Variants in ANKS1A observed in about 807,000 individuals in gnomAD.
ANKS1A encodes the protein ankyrin repeat and SAM domain-containing protein 1A.
ANKS1A carries 55 observed loss-of-function variants against 120.3 expected under a neutral mutation model. The ratio of observed to expected loss-of-function variants is 0.46; its 90% CI spans 0.37 to 0.57. ANKS1A has a LOEUF of 0.57. Ranked by LOEUF, ANKS1A falls within the 20% of genes least tolerant of loss-of-function variation. The probability of loss-of-function intolerance (pLI) is 0.00; values close to 1 mark genes in which losing one functional copy is unlikely to be tolerated. For missense variants in ANKS1A, 1,123 were observed against 1,480.3 expected (o/e 0.76, Z 3.96); for synonymous variants, 590 against 604.7 (o/e 0.98, Z 0.36).
chr6:34,931,890 A>G (rs765847182), intron 1 of ANKS1A, among the ~76,000 whole-genome samples: 1 of 152,264 alleles, frequency 6.6e-6, no homozygotes, highest in African/African-American at 2.4e-5. Context: ...CAGTAGATTA[A>G]TAAACGTGTG....
intron 11 of ANKS1A, among the ~76,000 whole-genome samples, chr6:35,043,035 AT>A (rs1273094973): frequency 6.6e-6 from 1 of 152,046 alleles, no homozygotes. Context: ...GACTTGGAGG[AT>A]TCCCCCTGCT....
chr6:35,087,965 A>T (rs1412992253), intron 23 of ANKS1A, among the ~76,000 whole-genome samples: 1 of 152,200 alleles, frequency 6.6e-6, no homozygotes, highest in Non-Finnish European at 1.5e-5. Context: ...CTTCCGTAGA[A>T]CCAACGAGGA....
At chr6:35,014,803 G>A (rs1018420622) in intron 10 of ANKS1A, among the ~76,000 whole-genome samples, 8 of 152,190 alleles carry the variant, frequency 5.3e-5, no homozygotes, top group Non-Finnish European at 8.8e-5. Flanking sequence ...TGTACCTTGG[G>A]CCAGGATCTG....
intron 1 of ANKS1A, among the ~76,000 whole-genome samples, chr6:34,961,774 G>C (rs569248336): frequency 2.8e-4 from 42 of 152,298 alleles, no homozygotes; most frequent in African/African-American, 9.9e-4. Context: ...ACTCTCAGCC[G>C]CTTTAACCAG....
chr6:34,991,539 TATACACAC>T lies in ANKS1A; in HGVS notation c.1302+2225_1302+2232del, dbSNP rs1253431042. ...CCACATAGCCGGGAAAAAAAAAATA[TATACACAC>T]ACACACACACACACACACACACACA... is the stretch of plus-strand genomic sequence containing the variant. On this transcript the variant is annotated intron_variant, in intron 9 of 23. Coordinates refer to ENST00000360359, the MANE Select transcript of ANKS1A (RefSeq NM_015245.3). 4.7e-5 allele frequency among the ~76,000 whole-genome samples: 4 copies of T among 85,082 alleles called. 1 individual carries two copies. Among genetic ancestry groups the T allele is most frequent in the African/African-American group, 1.9e-4 (4 of 20,532 alleles). 55.8% of individuals were successfully genotyped at this position (85,082 alleles called of 152,430 possible).
In ANKS1A at chr6:35,091,085, C is replaced by T; in HGVS notation, c.*2476C>T. Reference sequence around the variant, plus strand: ...AGATGCCCAGGCCAGCAGAAAGCAGCTCAGAAGTATTGTTGCTCATGGTGT... The same window carrying T: ...AGATGCCCAGGCCAGCAGAAAGCAGTTCAGAAGTATTGTTGCTCATGGTGT... On this transcript the variant is annotated 3_prime_UTR_variant, in exon 24 of 24. Coordinates refer to ENST00000360359, the MANE Select transcript of ANKS1A (RefSeq NM_015245.3). The T allele has an allele frequency of 2.0e-6, 2 of 985,920 alleles. No homozygotes were observed. Among genetic ancestry groups the T allele is most frequent in the South Asian group, 9.4e-5 (2 of 21,294 alleles). 61.1% of individuals were successfully genotyped at this position (985,920 alleles called of 1,614,324 possible).
chr6:35,086,280 C>T lies in ANKS1A; in HGVS notation c.3303+344C>T, dbSNP rs1326107227. ...TGCTCTGCACCCCAGGTGCCGCTGCCCCCCGATAGTCGCTGTTGTTACTGT... is the reference window on the plus strand; with the variant it reads ...TGCTCTGCACCCCAGGTGCCGCTGCTCCCCGATAGTCGCTGTTGTTACTGT... On this transcript the variant is annotated intron_variant, in intron 22 of 23. Coordinates refer to ENST00000360359, the MANE Select transcript of ANKS1A (RefSeq NM_015245.3). The surrounding 1 kb of genome is among the most constrained non-coding windows in gnomAD (Gnocchi z 5.1). 7.5e-7 allele frequency: 1 copy of T among 1,328,936 alleles called. No individual in the cohort carries two copies. The allele number at this position is 1,328,936 out of a possible 1,614,324, so 82.3% of individuals were successfully genotyped here.
At position 34,895,780 on chromosome 6, in the gene ANKS1A, C is replaced by CTTTTTTTTTTTTTTT. The variant is rs995285475; in HGVS notation, c.197+6192_197+6206dup. 7.7e-5 allele frequency among the ~76,000 whole-genome samples: 7 copies of CTTTTTTTTTTTTTTT among 90,410 alleles called. 1 individual carries two copies. The highest frequency in any genetic ancestry group is 1.8e-4 in the African/African-American group (4 of 21,914). 59.3% of individuals were successfully genotyped at this position (90,410 alleles called of 152,430 possible). On this transcript the variant is annotated intron_variant, in intron 1 of 23. Transcript: ENST00000360359. ...AAAATAGTTTTTCAAGAATGTCTTT[C>CTTTTTTTTTTTTTTT]TTTTTTTTTTTTTTTTTTTTTTTTT...
chr6:34,966,689 T>A (rs975829148), intron 1 of ANKS1A, among the ~76,000 whole-genome samples: 36 of 152,206 alleles, frequency 2.4e-4, no homozygotes, highest in African/African-American at 8.4e-4. Flanking sequence ...CCTATGGTAT[T>A]TTTAAGTCAG....
At chr6:34,983,029 G>A in intron 5 of ANKS1A, 84 bp from the exon 6 acceptor site, 2 of 1,390,452 alleles carry the variant, frequency 1.4e-6, no homozygotes, top group Non-Finnish European at 2.0e-6. Context: ...GCTGCTGACA[G>A]CCTTAAATGT....
intron 16 of ANKS1A, among the ~76,000 whole-genome samples, chr6:35,080,615 A>G (rs893546697): frequency 6.6e-6 from 1 of 152,212 alleles, no homozygotes; most frequent in African/African-American, 2.4e-5. Context: ...CACACAACTG[A>G]CATTCAGATA....
At chr6:34,991,539 TATACACACACAC>T (rs1450700226) in intron 9 of ANKS1A, among the ~76,000 whole-genome samples, 3 of 85,112 alleles carry the variant, frequency 3.5e-5, no homozygotes, top group East Asian at 3.9e-4. Context: ...AAAAAAAATA[TATACACACACAC>T]ACACACACAC....
Position 35,084,406 on chromosome 6 carries a change from T to A in ANKS1A, c.3132+148T>A. On this transcript the variant is annotated intron_variant, in intron 21 of 23. Coordinates refer to ENST00000360359, the MANE Select transcript of ANKS1A (RefSeq NM_015245.3). The surrounding 1 kb of genome is among the most constrained non-coding windows in gnomAD (Gnocchi z 4.8). ...GTTCATGAATGGAGCCCAGCAGCAC[T>A]CAGGCCGGTCCCCTTTCACAGTGAT... The A allele has an allele frequency of 8.6e-7, 1 of 1,163,776 alleles. No individual in the cohort carries two copies. Among genetic ancestry groups the A allele is most frequent in the Non-Finnish European group, 1.2e-6 (1 of 852,044 alleles). The allele number at this position is 1,163,776 out of a possible 1,614,324, so 72.1% of individuals were successfully genotyped here. A position where few individuals can be genotyped will look rare whatever the true frequency, so the allele number is the denominator to read the frequency against.
At chr6:34,977,886 G>A (rs1303884877) in intron 3 of ANKS1A, among the ~76,000 whole-genome samples, 1 of 152,136 alleles carries the variant, frequency 6.6e-6, no homozygotes, top group Non-Finnish European at 1.5e-5. Context: ...GTGCAGTTGG[G>A]CTGTAATCTG....
chr6:35,083,323 A>G (rs921915535), intron 19 of ANKS1A, 94 bp from the exon 20 acceptor site: 8 of 1,595,278 alleles, frequency 5.0e-6, no homozygotes, highest in Non-Finnish European at 6.9e-6. Flanking sequence ...CTGCTGCACT[A>G]TGTAAGGATG....
chr6:35,000,095 C>G (rs574291172), intron 10 of ANKS1A, among the ~76,000 whole-genome samples: 1 of 152,116 alleles, frequency 6.6e-6, no homozygotes, highest in African/African-American at 2.4e-5. Context: ...CTTCGTAACC[C>G]TGTAACACTC....
intron 13 of ANKS1A, among the ~76,000 whole-genome samples, chr6:35,066,474 A>T (rs1776782243): frequency 6.6e-6 from 1 of 152,094 alleles, no homozygotes; most frequent in Non-Finnish European, 1.5e-5. Flanking sequence ...GATGGCAGGC[A>T]GGAGATGAGT....
At chr6:35,027,183 G>C (rs1022482414) in intron 11 of ANKS1A, among the ~76,000 whole-genome samples, 9 of 152,190 alleles carry the variant, frequency 5.9e-5, no homozygotes, top group African/African-American at 1.9e-4. Context: ...TCCAGTGAGG[G>C]AGGCCAACTG....
intron 1 of ANKS1A, among the ~76,000 whole-genome samples, chr6:34,939,489 A>G (rs149122781): frequency 6.6e-4 from 100 of 152,362 alleles, no homozygotes; most frequent in African/African-American, 2.4e-3. Flanking sequence ...TAGCAATATT[A>G]TAATATACAC....
Sources: gnomAD v4.1 joint callset for allele counts (sites outside exome capture counted in the v4.1 genomes callset) on GRCh38, gnomAD v4.1.1 for gene constraint, Gnocchi (gnomAD v3.1) non-coding constraint, MANE v1.5 for transcripts, NCBI Gene and HGNC (gene_info 2026-07-23, HGNC 2026-07-21) for gene names.